APOBEC3A: variants seen among roughly 807,000 people sequenced by gnomAD.
The protein encoded by APOBEC3A is DNA dC->dU-editing enzyme APOBEC-3A.
A neutral mutation model predicts 23.0 loss-of-function variants in APOBEC3A; 13 were observed. The ratio of observed to expected loss-of-function variants is 0.57; its 90% CI spans 0.37 to 0.90. The LOEUF (loss-of-function observed/expected upper bound fraction) is 0.90. Among genes scored for constraint, APOBEC3A ranks in the 40% least tolerant of loss-of-function variants. The pLI is 0.01. For synonymous variants in APOBEC3A, 74 were observed against 101.3 expected (o/e 0.73, Z 1.62); for missense variants, 179 against 264.9 (o/e 0.68, Z 2.25).
rs1224615145 is a variant in APOBEC3A, at chr22:38,958,779, C to CTT, written c.30-761_30-760dup. ...CCTCCATCTCTCTTTCTCTTTCTTT[C>CTT]TTTCTTTCTTTCTTTCTTTCCTTCC... On this transcript the variant is annotated intron_variant, in intron 1 of 4. Transcript: ENST00000249116. Among the ~76,000 whole-genome samples the CTT allele has an allele frequency of 3.0e-5, 4 of 131,430 alleles. No homozygotes were observed. The East Asian group carries it at 8.6e-4, about 28-fold the overall frequency. The allele number at this position is 131,430 out of a possible 152,430, so 86.2% of individuals were successfully genotyped here. A position where few individuals can be genotyped will look rare whatever the true frequency, so the allele number is the denominator to read the frequency against.
intron 1 of APOBEC3A, among the ~76,000 whole-genome samples, chr22:38,958,476 TTTCTTTCTTTCC>T (rs1165607892): frequency 6.6e-6 from 1 of 150,494 alleles, no homozygotes; most frequent in Admixed American, 6.6e-5. Flanking sequence ...TTCCTTTCTC[TTTCTTTCTTTCC>T]TTCTTTCTTT....
intron 4 of APOBEC3A, 113 bp downstream of exon 4, chr22:38,962,326 C>G (rs1398732429): frequency 1.9e-6 from 3 of 1,578,712 alleles, no homozygotes; most frequent in Non-Finnish European, 2.6e-6. Context: ...CTGCTCCCCA[C>G]AGGGCGCCCA....
In APOBEC3A at chr22:38,962,899, G is replaced by A. The variant is rs1301576155; in HGVS notation, c.*390G>A. 18 of 316,922 alleles carry A rather than the reference G, an allele frequency of 5.7e-5. No homozygotes were observed. The highest frequency in any genetic ancestry group is 1.9e-4 in the African/African-American group (9 of 46,364). 19.6% of individuals were successfully genotyped at this position (316,922 alleles called of 1,614,324 possible). A position where few individuals can be genotyped will look rare whatever the true frequency, so the allele number is the denominator to read the frequency against. On this transcript the variant is annotated 3_prime_UTR_variant, in exon 5 of 5. Coordinates refer to ENST00000249116, the MANE Select transcript of APOBEC3A (RefSeq NM_145699.4). The stretch of plus-strand genomic sequence containing the variant: ...CGTGAACCCGGGAGGCAGAGCTTGC[G>A]GTGAGCCGAGATTGCGCTACTGCAC...
At position 38,957,695 on chromosome 22, in the gene APOBEC3A, G is replaced by C; in HGVS notation, c.4G>C (p.Glu2Gln). MEASPASGPRHL... is the reference protein window; with the variant it reads MQASPASGPRHL... ...GGAACCGAGAAGGGACAAGCACATG[G>C]AAGCCAGCCCAGCATCCGGGCCCAG... The change falls in exon 1 of 5, where the codon GAA (glutamate) becomes CAA (glutamine). Residue 2 changes from glutamate to glutamine, a missense_variant. Physicochemically the swap from Glu to Gln is conservative, Grantham distance 29. Around this residue, in one of 5 missense-constraint regions of APOBEC3A, gnomAD observed 87 missense variants for 74.5 expected, o/e 1.17. Coordinates refer to ENST00000249116, the MANE Select transcript of APOBEC3A (RefSeq NM_145699.4). 12 of 1,612,966 alleles carry C rather than the reference G, an allele frequency of 7.4e-6. No homozygotes were observed. Among genetic ancestry groups the C allele is most frequent in the Non-Finnish European group, 1.0e-5 (12 of 1,179,462 alleles).
Position 38,962,931 on chromosome 22 carries a change from C to A in APOBEC3A, c.*422C>A. 1 of 245,350 alleles carries A rather than the reference C, an allele frequency of 4.1e-6. No homozygotes were observed. The highest frequency in any genetic ancestry group is 7.7e-6 in the Non-Finnish European group (1 of 130,456). The allele number at this position is 245,350 out of a possible 1,614,324, so 15.2% of individuals were successfully genotyped here. ...CGAGATTGCGCTACTGCACTCCAGC[C>A]TGGGCGACAGTACCAGACTCCATCT... On this transcript the variant is annotated 3_prime_UTR_variant, in exon 5 of 5. Coordinates refer to ENST00000249116, the MANE Select transcript of APOBEC3A (RefSeq NM_145699.4).
At chr22:38,957,822 TC>T (rs2146269355) in intron 1 of APOBEC3A, 102 bp downstream of exon 1, 1 of 1,456,300 alleles carries the variant, frequency 6.9e-7, no homozygotes, top group African/African-American at 1.4e-5. Context: ...GCCTCTCTTT[TC>T]CTCCTGACCC....
chr22:38,962,383 C>T (rs964959429), intron 4 of APOBEC3A, 112 bp from the exon 5 acceptor site: 39 of 1,553,686 alleles, frequency 2.5e-5, no homozygotes, highest in Non-Finnish European at 3.4e-5. Context: ...TCTTTCCCAC[C>T]TCCCGCATCC....
Position 38,957,637 on chromosome 22 carries a change from G to C in APOBEC3A, c.-55G>C. On this transcript the variant is annotated 5_prime_UTR_variant, in exon 1 of 5. Coordinates refer to ENST00000249116, the MANE Select transcript of APOBEC3A (RefSeq NM_145699.4). ...GGTGAAGATCTTAACACCACGCCTT[G>C]AGCAAGTCGCAAGAGCGGGAGGACA... 1 of 1,601,184 alleles carries C rather than the reference G, an allele frequency of 6.2e-7. No individual in the cohort carries two copies. Among genetic ancestry groups the C allele is most frequent in the Non-Finnish European group, 8.5e-7 (1 of 1,172,796 alleles).
Position 38,961,568 on chromosome 22 carries a change from A to G in APOBEC3A, c.356A>G (p.His119Arg), listed in dbSNP as rs768116271. The change falls in exon 3 of 5, where the codon CAC becomes CGC. Residue 119 changes from histidine to arginine, a missense_variant. This residue lies in a region of APOBEC3A where 37 missense variants were observed against 47.8 expected (regional missense o/e 0.77). Coordinates refer to ENST00000249116, the MANE Select transcript of APOBEC3A (RefSeq NM_145699.4). ...EVRAFLQENT[H>R]VRLRIFAARI... ...CGTGCGTTCCTTCAGGAGAACACACACGTGAGACTGCGTATCTTCGCTGCC... is the reference window on the plus strand; with the variant it reads ...CGTGCGTTCCTTCAGGAGAACACACGCGTGAGACTGCGTATCTTCGCTGCC... 1 of 1,532,188 alleles carries G rather than the reference A, an allele frequency of 6.5e-7. No individual in the cohort carries two copies. The highest frequency in any genetic ancestry group is 8.9e-7 in the Non-Finnish European group (1 of 1,118,664). 94.9% of individuals were successfully genotyped at this position (1,532,188 alleles called of 1,614,324 possible).
At chr22:38,958,666 CTTT>C (rs1922706497) in intron 1 of APOBEC3A, among the ~76,000 whole-genome samples, 2 of 137,720 alleles carry the variant, frequency 1.5e-5, no homozygotes, top group Admixed American at 1.5e-4. Flanking sequence ...TTCTTTCCTT[CTTT>C]CTTTCTTTTC....
In APOBEC3A at chr22:38,959,428, C is replaced by T. The variant is rs965354860; in HGVS notation, c.30-114C>T. 81 of 1,266,736 alleles carry T rather than the reference C, an allele frequency of 6.4e-5. 1 individual carries two copies. The highest frequency in any genetic ancestry group is 2.4e-4 in the Middle Eastern group (1 of 4,200). The allele number at this position is 1,266,736 out of a possible 1,614,324, so 78.5% of individuals were successfully genotyped here. ...GTTTGGAAGTGTGCTAAGGGATGTGCGGAGCAGGGGGAAGGAGGGTGGGGT... is the reference window on the plus strand; with the variant it reads ...GTTTGGAAGTGTGCTAAGGGATGTGTGGAGCAGGGGGAAGGAGGGTGGGGT... On this transcript the variant is annotated intron_variant, in intron 1 of 4. Transcript: ENST00000249116.
chr22:38,961,546 G>T lies in APOBEC3A; in HGVS notation c.334G>T (p.Ala112Ser). ...CTGGGGCTGTGCCGGGGAAGTGCGT[G>T]CGTTCCTTCAGGAGAACACACACGT... ...FSWGCAGEVRAFLQENTHVRL... is the reference protein window; with the variant it reads ...FSWGCAGEVRSFLQENTHVRL... The change falls in exon 3 of 5, where the codon GCG becomes TCG. Residue 112 changes from alanine to serine, a missense_variant. Around this residue, in one of 5 missense-constraint regions of APOBEC3A, gnomAD observed 37 missense variants for 47.8 expected, o/e 0.77. Transcript: ENST00000249116. 6.5e-7 allele frequency: 1 copy of T among 1,531,040 alleles called. No homozygotes were observed. The highest frequency in any genetic ancestry group is 1.1e-5 in the South Asian group (1 of 88,020). The allele number at this position is 1,531,040 out of a possible 1,614,324, so 94.8% of individuals were successfully genotyped here.
chr22:38,959,443 G>C, intron 1 of APOBEC3A, 99 bp from the exon 2 acceptor site: 1 of 1,418,412 alleles, frequency 7.1e-7, no homozygotes. Context: ...CAGGGGGAAG[G>C]AGGGTGGGGT....
chr22:38,959,720 C>A, intron 2 of APOBEC3A, 34 bp downstream of exon 2: 1 of 1,602,176 alleles, frequency 6.2e-7, no homozygotes, highest in Non-Finnish European at 8.5e-7. Flanking sequence ...CCGGGCAGGG[C>A]CCTTCCAATC....
intron 1 of APOBEC3A, among the ~76,000 whole-genome samples, chr22:38,958,318 C>A (rs1300635993): frequency 1.4e-5 from 2 of 146,296 alleles, no homozygotes; most frequent in Non-Finnish European, 3.0e-5. Flanking sequence ...TCCTTCAATT[C>A]TCTCTCTCTT....
chr22:38,959,497 CA>C (rs1183676194), intron 1 of APOBEC3A, 44 bp from the exon 2 acceptor site: 4 of 1,600,280 alleles, frequency 2.5e-6, no homozygotes, highest in Non-Finnish European at 3.4e-6. Flanking sequence ...CAGGGCAGTC[CA>C]GGAGGGCTCT....
chr22:38,962,249 G>C (rs1211881554), intron 4 of APOBEC3A, 36 bp downstream of exon 4: 4 of 1,613,416 alleles, frequency 2.5e-6, no homozygotes, highest in Non-Finnish European at 3.4e-6. Flanking sequence ...TGCCCCATCG[G>C]CCTCCCCCTC....
At chr22:38,959,036 A>T (rs1922740994) in intron 1 of APOBEC3A, among the ~76,000 whole-genome samples, 1 of 152,056 alleles carries the variant, frequency 6.6e-6, no homozygotes, top group East Asian at 1.9e-4. Flanking sequence ...ACCTCAGGGC[A>T]CCCTAAGGGA....
At chr22:38,957,844 C>T in intron 1 of APOBEC3A, 124 bp downstream of exon 1, 1 of 1,288,050 alleles carries the variant, frequency 7.8e-7, no homozygotes, top group Non-Finnish European at 1.1e-6. Flanking sequence ...TCTCTCTGGA[C>T]CTGGCCTCTT....
Sources: allele counts gnomAD v4.1 joint callset (sites outside exome capture counted in the v4.1 genomes callset), GRCh38; gene constraint gnomAD v4.1.1; regional missense constraint gnomAD v4.1.1; transcripts MANE v1.5; gene names NCBI Gene and HGNC (gene_info 2026-07-23, HGNC 2026-07-21).